The following SLC14A2 variants were observed in gnomAD, a reference collection of about 807,000 sequenced individuals.
SLC14A2 encodes urea transporter 2.
In SLC14A2, 91 loss-of-function variants were observed where a neutral mutation model predicts 104.6. The observed-to-expected ratio is 0.87, with a 90% CI of 0.73 to 1.04. SLC14A2 has a LOEUF of 1.04. Ranked by LOEUF, SLC14A2 falls within the 50% of genes least tolerant of loss-of-function variation. The pLI, the probability that SLC14A2 is intolerant of heterozygous loss-of-function variation, is 0.00. For missense variants in SLC14A2, 1,189 were observed against 1,156.0 expected (o/e 1.03, Z -0.41); for synonymous variants, 476 against 466.4 (o/e 1.02, Z -0.27).
chr18:45,628,585 G>A (rs2045299026), intron 4 of SLC14A2, among the ~76,000 whole-genome samples: 1 of 152,182 alleles, frequency 6.6e-6, no homozygotes, highest in African/African-American at 2.4e-5. Flanking sequence ...GGTCAGAGAA[G>A]TTTGGAAAGC....
rs148530200 is a variant in SLC14A2, at chr18:45,629,256, G to C, written c.521+2109G>C. Among the ~76,000 whole-genome samples, 816 of 152,318 alleles carry C rather than the reference G, an allele frequency of 5.4e-3. 11 individuals carry two copies. Among genetic ancestry groups the C allele is most frequent in the African/African-American group, 0.018 (753 of 41,574 alleles). On this transcript the variant is annotated intron_variant, in intron 4 of 19. Coordinates refer to ENST00000255226, the MANE Select transcript of SLC14A2 (RefSeq NM_007163.4). The stretch of plus-strand genomic sequence containing the variant: ...GTTGCTCATGCACCTCTAGGGTGGC[G>C]TTGGAGGACCACTCAGATTCTAGCA...
chr18:45,673,266 T>C (rs768129138), intron 17 of SLC14A2, among the ~76,000 whole-genome samples: 2 of 152,228 alleles, frequency 1.3e-5, no homozygotes, highest in Non-Finnish European at 2.9e-5. Flanking sequence ...ATTCACACCT[T>C]AGTATAAATT....
At chr18:45,510,029 T>C (rs1339134254) in intron 2 of SLC14A2, among the ~76,000 whole-genome samples, 1 of 152,108 alleles carries the variant, frequency 6.6e-6, no homozygotes, top group Admixed American at 6.5e-5. Flanking sequence ...GCCCCAAACA[T>C]TTCTCCCTCA....
chr18:45,643,884 G>A (rs2045574617), intron 9 of SLC14A2, 102 bp from the exon 10 acceptor site: 5 of 990,002 alleles, frequency 5.1e-6, no homozygotes, highest in Non-Finnish European at 7.7e-6. Context: ...CTGGAGGGAG[G>A]ATCTCCATCC....
intron 9 of SLC14A2, among the ~76,000 whole-genome samples, chr18:45,643,638 A>G (rs904161311): frequency 5.3e-5 from 8 of 152,148 alleles, no homozygotes; most frequent in African/African-American, 1.2e-4. Flanking sequence ...GACTCAAGCC[A>G]TCCTCCCAGT....
the SLC14A2 span, among the ~76,000 whole-genome samples, chr18:45,202,513 G>A: frequency 6.6e-6 from 1 of 152,090 alleles, no homozygotes; most frequent in African/African-American, 2.4e-5. Context: ...CATAACATTG[G>A]GGAGTAAAAT....
intron 1 of SLC14A2, among the ~76,000 whole-genome samples, chr18:45,262,367 G>T (rs1026546266): frequency 1.3e-5 from 2 of 152,076 alleles, no homozygotes; most frequent in Non-Finnish European, 2.9e-5. Context: ...CACTGTACAT[G>T]CTGCCCCTTG....
At chr18:45,541,800 G>A (rs1432666491) in intron 2 of SLC14A2, among the ~76,000 whole-genome samples, 3 of 152,120 alleles carry the variant, frequency 2.0e-5, no homozygotes, top group African/African-American at 7.2e-5. Flanking sequence ...GTCTCTTTTC[G>A]CCTATGGCTG....
chr18:45,422,210 A>G (rs1282896406), intron 1 of SLC14A2, among the ~76,000 whole-genome samples: 1 of 152,166 alleles, frequency 6.6e-6, no homozygotes, highest in Non-Finnish European at 1.5e-5. Flanking sequence ...GACACTGGGT[A>G]CTCTCAAGCA....
At chr18:45,391,532 A>G (rs2085965070) in intron 1 of SLC14A2, among the ~76,000 whole-genome samples, 1 of 152,220 alleles carries the variant, frequency 6.6e-6, no homozygotes, top group Non-Finnish European at 1.5e-5. Context: ...ACTAGTTTAC[A>G]GTCCCACCAA....
At chr18:45,621,225 C>A (rs1404827987) in intron 1 of SLC14A2, among the ~76,000 whole-genome samples, 1 of 152,204 alleles carries the variant, frequency 6.6e-6, no homozygotes, top group Non-Finnish European at 1.5e-5. Flanking sequence ...GTCTCCTAAA[C>A]CTTTCCAGCA....
chr18:45,341,444 C>A (rs1049795518), intron 1 of SLC14A2, among the ~76,000 whole-genome samples: 13 of 152,178 alleles, frequency 8.5e-5, no homozygotes, highest in Non-Finnish European at 1.9e-4. Context: ...ACCAGAGTGA[C>A]ACTGACTTGT....
chr18:45,250,751 C>CTGACTTTTTTT (rs1165070845), intron 1 of SLC14A2, among the ~76,000 whole-genome samples: 53 of 113,886 alleles, frequency 4.7e-4, no homozygotes, highest in African/African-American at 8.2e-4. Context: ...CTAGTGGCTT[C>CTGACTTTTTTT]TTCCTTTTTT....
At chr18:45,587,350 A>T (rs2044581843) in intron 2 of SLC14A2, among the ~76,000 whole-genome samples, 1 of 152,212 alleles carries the variant, frequency 6.6e-6, no homozygotes, top group Non-Finnish European at 1.5e-5. Context: ...GTGCCAACAC[A>T]CAATCAGTTG....
chr18:45,407,152 G>A (rs183552605), intron 1 of SLC14A2, among the ~76,000 whole-genome samples: 258 of 152,246 alleles, frequency 1.7e-3, no homozygotes, highest in Non-Finnish European at 2.9e-3. Flanking sequence ...TCATTACCAT[G>A]AAAATCTGTT....
At chr18:45,264,486 T>C (rs1412852809) in intron 1 of SLC14A2, among the ~76,000 whole-genome samples, 1 of 152,206 alleles carries the variant, frequency 6.6e-6, no homozygotes, top group Non-Finnish European at 1.5e-5. Flanking sequence ...TTAGTCCGTT[T>C]TTTTTGCTGC....
At position 45,219,300 on chromosome 18, in the gene SLC14A2, A is replaced by C. The variant is rs4144443; in HGVS notation, c.-125+6109A>C. Among the ~76,000 whole-genome samples the C allele has an allele frequency of 4.7e-4, 71 of 152,330 alleles. No homozygotes were observed. In the East Asian group the frequency reaches 0.013, roughly 28 times the overall value. On this transcript the variant is annotated intron_variant, in intron 1 of 20. Coordinates refer to the SLC14A2 transcript ENST00000586448. ...AATACTCTTGTCTGCATTTTTGTGA[A>C]AGGCATATAGCAATGTTATTTATAT...
intron 19 of SLC14A2, 67 bp downstream of exon 19, chr18:45,679,091 C>A: frequency 6.8e-7 from 1 of 1,473,132 alleles, no homozygotes; most frequent in Non-Finnish European, 9.4e-7. Flanking sequence ...CTTCCCCAAA[C>A]CTGCTGAAAA....
intron 1 of SLC14A2, among the ~76,000 whole-genome samples, chr18:45,443,871 C>T (rs1329458964): frequency 6.6e-6 from 1 of 152,134 alleles, no homozygotes; most frequent in Non-Finnish European, 1.5e-5. Flanking sequence ...CAGCTGGGTG[C>T]AGAGGCTCTT....
Sources: gnomAD v4.1 joint callset for allele counts (sites outside exome capture counted in the v4.1 genomes callset) on GRCh38, gnomAD v4.1.1 for gene constraint, MANE v1.5 for transcripts, NCBI Gene and HGNC (gene_info 2026-07-23, HGNC 2026-07-21) for gene names.